SYT1: variants seen among roughly 807,000 people sequenced by gnomAD.
The protein encoded by SYT1 is synaptotagmin 1, also known as synaptotagmin-1.
Under a neutral mutation model 44.8 loss-of-function variants are expected in SYT1, and 8 were observed. That is an observed-to-expected ratio of 0.18 (90% CI 0.10 to 0.32). SYT1 has a LOEUF of 0.32. Among genes scored for constraint, SYT1 ranks in the 10% least tolerant of loss-of-function variants. SYT1 has a pLI of 1.00. For missense variants in SYT1, 286 were observed against 509.3 expected (o/e 0.56, Z 4.22); for synonymous variants, 154 against 188.8 (o/e 0.82, Z 1.51).
At chr12:79,133,660 A>G (rs1868996356) in intron 3 of SYT1, among the ~76,000 whole-genome samples, 1 of 152,232 alleles carries the variant, frequency 6.6e-6, no homozygotes, top group South Asian at 2.1e-4. Flanking sequence ...AGATATGTAT[A>G]AAAGACAATA....
At chr12:79,306,007 T>C (rs1246065750) in intron 8 of SYT1, among the ~76,000 whole-genome samples, 2 of 152,180 alleles carry the variant, frequency 1.3e-5, no homozygotes, top group Non-Finnish European at 2.9e-5. Flanking sequence ...CACACCATTT[T>C]CTTTAAAGAG....
chr12:78,929,446 A>AAAAAAAAAAAAAAAAAAAAAAAAAAAG lies in SYT1; in HGVS notation c.-216-48353_-216-48352insAAAAAAAAAAAAAAAAAAAAAAAAAAG, dbSNP rs373264605. Among the ~76,000 whole-genome samples the AAAAAAAAAAAAAAAAAAAAAAAAAAAG allele has an allele frequency of 9.3e-5, 12 of 128,508 alleles. 2 individuals are homozygous for AAAAAAAAAAAAAAAAAAAAAAAAAAAG. Among genetic ancestry groups the AAAAAAAAAAAAAAAAAAAAAAAAAAAG allele is most frequent in the African/African-American group, 4.3e-4 (11 of 25,818 alleles). 84.3% of individuals were successfully genotyped at this position (128,508 alleles called of 152,430 possible). A position where few individuals can be genotyped will look rare whatever the true frequency, so the allele number is the denominator to read the frequency against. On this transcript the variant is annotated intron_variant, in intron 1 of 10. Transcript: ENST00000261205. The stretch of plus-strand genomic sequence containing the variant: ...AAAAAAAAAAAAAAAAAAAAAAAAA[A>AAAAAAAAAAAAAAAAAAAAAAAAAAAG]GGTTATTAGCAGCAATTAGTTTTAT...
intron 2 of SYT1, among the ~76,000 whole-genome samples, chr12:79,000,878 G>A (rs920698597): frequency 6.6e-6 from 1 of 152,078 alleles, no homozygotes. Flanking sequence ...TGTATATTCA[G>A]TTTCTCCAAG....
intron 4 of SYT1, among the ~76,000 whole-genome samples, chr12:79,276,805 G>C (rs1238472652): frequency 1.3e-5 from 2 of 152,050 alleles, no homozygotes; most frequent in East Asian, 3.9e-4. Flanking sequence ...TGAAGATGAG[G>C]CTTTTAAGTT....
chr12:79,353,909 G>C (rs1429218560), intron 9 of SYT1, among the ~76,000 whole-genome samples: 1 of 152,190 alleles, frequency 6.6e-6, no homozygotes, highest in Non-Finnish European at 1.5e-5. Context: ...TTCTGAAAGA[G>C]AGTGTTCATG....
At chr12:79,322,809 A>G (rs1224330609) in intron 8 of SYT1, among the ~76,000 whole-genome samples, 1 of 152,206 alleles carries the variant, frequency 6.6e-6, no homozygotes, top group Non-Finnish European at 1.5e-5. Flanking sequence ...GACTTTCTGA[A>G]GACACTAAAA....
At chr12:79,042,250 G>A (rs1387311281) in intron 2 of SYT1, among the ~76,000 whole-genome samples, 2 of 151,634 alleles carry the variant, frequency 1.3e-5, no homozygotes, top group African/African-American at 2.4e-5. Context: ...GAATCCATCT[G>A]GTCCTGGACT....
chr12:79,125,244 C>T (rs991738772), intron 3 of SYT1, among the ~76,000 whole-genome samples: 5 of 151,942 alleles, frequency 3.3e-5, no homozygotes, highest in Non-Finnish European at 7.4e-5. Context: ...AAATAACGTA[C>T]CTATTTATTT....
rs186527691 is a variant in SYT1, at chr12:78,977,072, T to A, written c.-216-727T>A. On this transcript the variant is annotated intron_variant, in intron 1 of 10. Transcript: ENST00000261205. ...GTGCATTAAAGAGAACAGAAAAAAA[T>A]TTTAAAAGAAAGAATGGGGAAAAAA... Among the ~76,000 whole-genome samples the A allele has an allele frequency of 2.1e-3, 318 of 150,054 alleles. 1 individual carries two copies. The highest frequency in any genetic ancestry group is 1.1e-3 in the Non-Finnish European group (72 of 67,354).
intron 1 of SYT1, among the ~76,000 whole-genome samples, chr12:78,904,458 T>TA (rs1276518366): frequency 1.3e-5 from 2 of 152,138 alleles, no homozygotes; most frequent in East Asian, 3.9e-4. Flanking sequence ...CATGGATGTA[T>TA]AAAACATCAT....
At chr12:79,369,823 G>A (rs1036816892) in intron 9 of SYT1, among the ~76,000 whole-genome samples, 1 of 152,134 alleles carries the variant, frequency 6.6e-6, no homozygotes, top group Non-Finnish European at 1.5e-5. Context: ...GTTTTTTAAA[G>A]CTAAATTAGT....
At chr12:79,076,164 C>G (rs915989699) in intron 3 of SYT1, among the ~76,000 whole-genome samples, 1 of 152,068 alleles carries the variant, frequency 6.6e-6, no homozygotes, top group Non-Finnish European at 1.5e-5. Flanking sequence ...TCTAATGGAA[C>G]AAGCTGGGGG....
In SYT1 at chr12:78,985,845, A is replaced by G. The variant is rs188181951; in HGVS notation, c.-84+7914A>G. On this transcript the variant is annotated intron_variant, in intron 2 of 10. Transcript: ENST00000261205. ...AAATCAACAAAAGAAGCAATTTCAA[A>G]CGGTATTCATCCAATAAACTGTAGT... Among the ~76,000 whole-genome samples, 164 of 152,148 alleles carry G rather than the reference A, an allele frequency of 1.1e-3. 4 individuals are homozygous for G. In the South Asian group the frequency reaches 0.026, roughly 24 times the overall value.
intron 3 of SYT1, among the ~76,000 whole-genome samples, chr12:79,109,616 T>C (rs1220638417): frequency 2.0e-5 from 3 of 152,206 alleles, no homozygotes; most frequent in Non-Finnish European, 1.5e-5. Flanking sequence ...GAATAGCAAA[T>C]TCTATAAATT....
chr12:78,887,362 A>T (rs998527395), intron 1 of SYT1, among the ~76,000 whole-genome samples: 2 of 151,970 alleles, frequency 1.3e-5, no homozygotes, highest in African/African-American at 4.8e-5. Context: ...CCAAATGCAC[A>T]TGAGTGTGGA....
At chr12:79,057,073 G>C (rs1260644638) in intron 3 of SYT1, among the ~76,000 whole-genome samples, 1 of 151,928 alleles carries the variant, frequency 6.6e-6, no homozygotes, top group East Asian at 1.9e-4. Flanking sequence ...AACTATTCCT[G>C]TTTCAGCAGA....
At chr12:79,011,965 A>T (rs1290860507) in intron 2 of SYT1, among the ~76,000 whole-genome samples, 1 of 151,644 alleles carries the variant, frequency 6.6e-6, no homozygotes, top group Non-Finnish European at 1.5e-5. Flanking sequence ...AACCCCAACT[A>T]TACTAAAAAT....
intron 9 of SYT1, among the ~76,000 whole-genome samples, chr12:79,396,476 G>A (rs147969267): frequency 3.9e-5 from 6 of 152,250 alleles, no homozygotes; most frequent in Admixed American, 1.3e-4. Context: ...GAAGCAGTTA[G>A]TTGAAGGTCA....
intron 3 of SYT1, among the ~76,000 whole-genome samples, chr12:79,096,469 C>A (rs982629504): frequency 6.6e-6 from 1 of 151,910 alleles, no homozygotes; most frequent in East Asian, 1.9e-4. Flanking sequence ...AGACACTTTG[C>A]TAAGTGTGAT....
Sources: allele counts gnomAD v4.1 joint callset (sites outside exome capture counted in the v4.1 genomes callset), GRCh38; gene constraint gnomAD v4.1.1; transcripts MANE v1.5; gene names NCBI Gene and HGNC (gene_info 2026-07-23, HGNC 2026-07-21).